The following MYO5B variants were observed in gnomAD, a reference collection of about 807,000 sequenced individuals.
MYO5B encodes unconventional myosin-Vb.
MYO5B carries 143 observed loss-of-function variants against 229.3 expected under a neutral mutation model. That is an observed-to-expected ratio of 0.62 (90% CI 0.54 to 0.72). The LOEUF is 0.72. MYO5B is among the 30% of genes least tolerant of loss of function. MYO5B has a pLI of 0.00. For missense variants in MYO5B, 2,321 were observed against 2,331.0 expected (o/e 1.00, Z 0.09); for synonymous variants, 918 against 885.2 (o/e 1.04, Z -0.66).
chr18:49,903,941 G>A (rs2024871268), intron 20 of MYO5B, among the ~76,000 whole-genome samples: 1 of 152,208 alleles, frequency 6.6e-6, no homozygotes, highest in South Asian at 2.1e-4. Context: ...CCGTTAAGTG[G>A]AGGAGTTAGA....
In MYO5B at chr18:49,878,964, T is replaced by C. The variant is rs2024556426; in HGVS notation, c.3257A>G (p.Asp1086Gly). 6.2e-7 allele frequency: 1 copy of C among 1,614,170 alleles called. No individual in the cohort carries two copies. Among genetic ancestry groups the C allele is most frequent in the Middle Eastern group, 1.6e-4 (1 of 6,062 alleles). The change falls in exon 24 of 40, where the codon GAT (aspartate) becomes GGT (glycine). Residue 1086 changes from aspartate to glycine, a missense_variant. Coordinates refer to ENST00000285039, the MANE Select transcript of MYO5B (RefSeq NM_001080467.3). ...CCTTGCCTTTATGATGGTCATTTCA[T>C]CCCGAAGGTTGTCGTATCTCTGCTC... ...QLEQRYDNLR[D>G]EMTIIKQTPG...
intron 1 of MYO5B, among the ~76,000 whole-genome samples, chr18:50,089,058 T>G (rs1271169638): frequency 3.3e-5 from 5 of 152,286 alleles, no homozygotes; most frequent in African/African-American, 9.6e-5. Context: ...TTAAGTACCA[T>G]TTTTTAAAAG....
intron 1 of MYO5B, among the ~76,000 whole-genome samples, chr18:50,104,264 T>TTATATA (rs1568107895): frequency 2.8e-5 from 2 of 71,416 alleles, no homozygotes; most frequent in East Asian, 5.9e-4. Context: ...GATCTATACA[T>TTATATA]GATATATATA....
intron 4 of MYO5B, among the ~76,000 whole-genome samples, chr18:50,002,622 C>T (rs886355992): frequency 6.6e-6 from 1 of 152,172 alleles, no homozygotes; most frequent in Non-Finnish European, 1.5e-5. Flanking sequence ...TTTCGGGAAA[C>T]GGTTTGTAAG....
chr18:50,007,512 A>G (rs1310964399), intron 4 of MYO5B, among the ~76,000 whole-genome samples: 1 of 152,120 alleles, frequency 6.6e-6, no homozygotes, highest in Admixed American at 6.5e-5. Flanking sequence ...TAAGCCTTCC[A>G]ATGGCATCCC....
chr18:50,104,284 A>ATATATG (rs2031714382), intron 1 of MYO5B, among the ~76,000 whole-genome samples: 1 of 145,568 alleles, frequency 6.9e-6, no homozygotes, highest in South Asian at 2.1e-4. Flanking sequence ...ATATATATAT[A>ATATATG]TATATATCTC....
At chr18:49,958,750 C>T (rs777292928) in intron 12 of MYO5B, among the ~76,000 whole-genome samples, 2 of 152,216 alleles carry the variant, frequency 1.3e-5, no homozygotes, top group Non-Finnish European at 2.9e-5. Flanking sequence ...GTCCCAACAA[C>T]TCCCTTGGAA....
chr18:49,913,530 C>T (rs9957027), intron 17 of MYO5B, among the ~76,000 whole-genome samples: 1 of 152,090 alleles, frequency 6.6e-6, no homozygotes, highest in South Asian at 2.1e-4. Flanking sequence ...GGCAGCCCCC[C>T]ACCCACTCTC....
chr18:49,837,393 G>C (rs2024000204), intron 37 of MYO5B, 124 bp downstream of exon 37: 1 of 1,194,858 alleles, frequency 8.4e-7, no homozygotes, highest in African/African-American at 1.5e-5. Flanking sequence ...CAGACTGATG[G>C]AGACAAGGAC....
chr18:50,008,304 T>C (rs1435095024), intron 4 of MYO5B, among the ~76,000 whole-genome samples: 1 of 152,106 alleles, frequency 6.6e-6, no homozygotes, highest in Non-Finnish European at 1.5e-5. Context: ...CCCACCCTAG[T>C]CTCCCCACTA....
At position 49,849,666 on chromosome 18, in the gene MYO5B, A is replaced by G. The variant is rs1178646727; in HGVS notation, c.4222-6T>C. 3.7e-6 allele frequency: 6 copies of G among 1,605,446 alleles called. No individual in the cohort carries two copies. Among genetic ancestry groups the G allele is most frequent in the Non-Finnish European group, 5.1e-6 (6 of 1,172,590 alleles). ...TCTACCAGTTCTTTAAGGTCCTGGA[A>G]GCAGAGGAAGCAGTGTGAGAACAGA... On this transcript the variant is annotated splice_region_variant and splice_polypyrimidine_tract_variant and intron_variant, in intron 31 of 39. Coordinates refer to ENST00000285039, the MANE Select transcript of MYO5B (RefSeq NM_001080467.3).
At chr18:50,149,893 G>A (rs912071268) in intron 1 of MYO5B, among the ~76,000 whole-genome samples, 1 of 146,926 alleles carries the variant, frequency 6.8e-6, no homozygotes, top group African/African-American at 2.5e-5. Context: ...GAGTGAACAG[G>A]CAACCTACAA....
At chr18:50,029,476 T>C (rs1265490202) in intron 4 of MYO5B, among the ~76,000 whole-genome samples, 1 of 152,234 alleles carries the variant, frequency 6.6e-6, no homozygotes, top group Non-Finnish European at 1.5e-5. Context: ...CTTGAAATTA[T>C]ATTGAAAGGA....
intron 1 of MYO5B, among the ~76,000 whole-genome samples, chr18:50,062,531 T>C (rs76588922): frequency 0.01 from 1,536 of 152,308 alleles, 28 homozygotes; most frequent in African/African-American, 0.035. Context: ...GTAGGAACTA[T>C]GAAAACACCT....
At chr18:50,067,884 C>T (rs139744573) in intron 1 of MYO5B, among the ~76,000 whole-genome samples, 162 of 152,244 alleles carry the variant, frequency 1.1e-3, no homozygotes, top group African/African-American at 3.5e-3. Context: ...AAGACAATTA[C>T]TATTAAGAAC....
intron 8 of MYO5B, among the ~76,000 whole-genome samples, chr18:49,982,834 A>G (rs1166806766): frequency 1.3e-5 from 2 of 152,208 alleles, no homozygotes; most frequent in Non-Finnish European, 2.9e-5. Context: ...AAGAATAGAG[A>G]AGAAAGTCTT....
intron 1 of MYO5B, among the ~76,000 whole-genome samples, chr18:50,081,019 C>T (rs2031207546): frequency 6.6e-6 from 1 of 152,150 alleles, no homozygotes; most frequent in Non-Finnish European, 1.5e-5. Flanking sequence ...TATATATTTT[C>T]ATGCCGCTAG....
At chr18:50,072,306 C>G (rs1376007297) in intron 1 of MYO5B, among the ~76,000 whole-genome samples, 1 of 152,100 alleles carries the variant, frequency 6.6e-6, no homozygotes, top group Non-Finnish European at 1.5e-5. Flanking sequence ...CACAGTCTAG[C>G]TGAGGCTCTT....
chr18:50,054,493 G>A (rs561048002), intron 2 of MYO5B, among the ~76,000 whole-genome samples: 11 of 152,218 alleles, frequency 7.2e-5, no homozygotes, highest in East Asian at 1.9e-4. Flanking sequence ...GGCCACAACC[G>A]TTTACCCATC....
Sources: allele counts gnomAD v4.1 joint callset (sites outside exome capture counted in the v4.1 genomes callset), GRCh38; gene constraint gnomAD v4.1.1; transcripts MANE v1.5; gene names NCBI Gene and HGNC (gene_info 2026-07-23, HGNC 2026-07-21).